PDE4B: variants seen among roughly 807,000 people sequenced by gnomAD.
PDE4B encodes 3',5'-cyclic-AMP phosphodiesterase 4B.
A neutral mutation model predicts 82.2 loss-of-function variants in PDE4B; 20 were observed. The ratio of observed to expected loss-of-function variants is 0.24; its 90% confidence interval spans 0.17 to 0.35. PDE4B has a LOEUF of 0.35. Among genes scored for constraint, PDE4B ranks in the 10% least tolerant of loss-of-function variants. The pLI is 1.00. For missense variants in PDE4B, 655 were observed against 907.2 expected (o/e 0.72, Z 3.57); for synonymous variants, 320 against 318.9 (o/e 1.00, Z -0.04).
At chr1:66,074,123 A>G (rs916016828) in intron 3 of PDE4B, among the ~76,000 whole-genome samples, 5 of 152,226 alleles carry the variant, frequency 3.3e-5, no homozygotes, top group Non-Finnish European at 5.9e-5. Context: ...GCTGTGTCAG[A>G]GAAGGTTGTG....
chr1:66,041,468 C>T (rs185641874), intron 3 of PDE4B, among the ~76,000 whole-genome samples: 133 of 152,020 alleles, frequency 8.7e-4, no homozygotes, highest in African/African-American at 3.0e-3. Flanking sequence ...TTCTCTTTCT[C>T]CAACTTAAGA....
intron 3 of PDE4B, among the ~76,000 whole-genome samples, chr1:65,976,584 C>T (rs1363974300): frequency 6.6e-6 from 1 of 151,992 alleles, no homozygotes; most frequent in Non-Finnish European, 1.5e-5. Flanking sequence ...GTTTGTGTCC[C>T]CAACCAAATC....
intron 7 of PDE4B, among the ~76,000 whole-genome samples, chr1:66,305,668 G>T (rs1328804819): frequency 6.6e-6 from 1 of 152,006 alleles, no homozygotes; most frequent in Non-Finnish European, 1.5e-5. Flanking sequence ...AATTTAATTT[G>T]GTGTTGCTAT....
At chr1:66,317,517 C>T (rs1370544603) in intron 7 of PDE4B, among the ~76,000 whole-genome samples, 1 of 151,888 alleles carries the variant, frequency 6.6e-6, no homozygotes, top group Non-Finnish European at 1.5e-5. Context: ...AAGCAGGGAT[C>T]TTGTTGGGAT....
intron 3 of PDE4B, among the ~76,000 whole-genome samples, chr1:66,047,997 TC>T (rs1486482453): frequency 1.3e-5 from 2 of 151,896 alleles, no homozygotes; most frequent in Non-Finnish European, 2.9e-5. Flanking sequence ...ACACGTTCTT[TC>T]TTTGGATGGC....
intron 3 of PDE4B, among the ~76,000 whole-genome samples, chr1:65,994,191 T>C (rs531018500): frequency 1.1e-4 from 17 of 152,176 alleles, no homozygotes; most frequent in African/African-American, 4.1e-4. Context: ...AAAATTAATA[T>C]TCACTTGAAT....
intron 3 of PDE4B, among the ~76,000 whole-genome samples, chr1:66,166,057 A>G (rs1646724917): frequency 6.6e-6 from 1 of 152,234 alleles, no homozygotes; most frequent in Admixed American, 6.5e-5. Flanking sequence ...TTAATAGAAT[A>G]GAATTGAGAG....
At chr1:66,260,270 G>A (rs1382669439) in intron 6 of PDE4B, among the ~76,000 whole-genome samples, 3 of 152,196 alleles carry the variant, frequency 2.0e-5, no homozygotes, top group Non-Finnish European at 4.4e-5. Context: ...GGGCAACAGA[G>A]TTTTCCTTGA....
At chr1:66,283,596 G>C (rs372021750) in intron 7 of PDE4B, among the ~76,000 whole-genome samples, 7 of 152,034 alleles carry the variant, frequency 4.6e-5, no homozygotes, top group South Asian at 2.1e-4. Context: ...TAGAGCTTGC[G>C]TAAGTATAAT....
In PDE4B at chr1:65,958,576, G is replaced by A. The variant is rs551111921; in HGVS notation, c.281+39741G>A. On this transcript the variant is annotated intron_variant, in intron 3 of 16. Coordinates refer to ENST00000341517, the MANE Select transcript of PDE4B (RefSeq NM_002600.4). ...TAGGATTCACCTATACAATATCTGGGTCTGATATTTTCTTCATGGGAAGAT... is the reference window on the plus strand; with the variant it reads ...TAGGATTCACCTATACAATATCTGGATCTGATATTTTCTTCATGGGAAGAT... 3.9e-5 allele frequency among the ~76,000 whole-genome samples: 6 copies of A among 151,966 alleles called. No individual in the cohort carries two copies. In the South Asian group the frequency reaches 1.2e-3, roughly 32 times the overall value.
At chr1:66,068,373 A>G (rs914101130) in intron 3 of PDE4B, among the ~76,000 whole-genome samples, 5 of 152,006 alleles carry the variant, frequency 3.3e-5, no homozygotes, top group African/African-American at 9.7e-5. Flanking sequence ...TAACCAATAG[A>G]TAGAAATATA....
At chr1:66,219,152 T>A (rs942087448) in intron 3 of PDE4B, among the ~76,000 whole-genome samples, 1 of 152,122 alleles carries the variant, frequency 6.6e-6, no homozygotes, top group Non-Finnish European at 1.5e-5. Flanking sequence ...TCAATAAAGA[T>A]AAGTAACTCA....
In PDE4B at chr1:65,984,389, A is replaced by G. The variant is rs573224376; in HGVS notation, c.281+65554A>G. ...TTTCTGAGGGTGACACAACTATTCTATATCCTGAACATATTGGTAATTGCA... is the reference window on the plus strand; with the variant it reads ...TTTCTGAGGGTGACACAACTATTCTGTATCCTGAACATATTGGTAATTGCA... On this transcript the variant is annotated intron_variant, in intron 3 of 16. Coordinates refer to ENST00000341517, the MANE Select transcript of PDE4B (RefSeq NM_002600.4). Among the ~76,000 whole-genome samples the G allele has an allele frequency of 9.2e-5, 14 of 152,300 alleles. No homozygotes were observed. The South Asian group carries it at 2.1e-3, about 23-fold the overall frequency.
In PDE4B at chr1:65,893,845, C is replaced by T. The variant is rs1007460830; in HGVS notation, c.-70-19400C>T. The stretch of plus-strand genomic sequence containing the variant: ...GGGAATGAAATAATGTGTTTTGCAG[C>T]AACTTGGATGGATCTGGAGGCCATT... On this transcript the variant is annotated intron_variant, in intron 1 of 16. Coordinates refer to ENST00000341517, the MANE Select transcript of PDE4B (RefSeq NM_002600.4). Among the ~76,000 whole-genome samples the T allele has an allele frequency of 2.0e-5, 3 of 152,008 alleles. No individual in the cohort carries two copies. In the East Asian group the frequency reaches 5.8e-4, roughly 29 times the overall value.
intron 3 of PDE4B, among the ~76,000 whole-genome samples, chr1:66,036,006 T>C (rs912032171): frequency 6.6e-5 from 10 of 152,314 alleles, no homozygotes; most frequent in African/African-American, 2.4e-4. Context: ...TAACAACATT[T>C]GTTATCTTTC....
In PDE4B at chr1:66,056,149, G is replaced by A. The variant is rs1468334733; in HGVS notation, c.281+137314G>A. On this transcript the variant is annotated intron_variant, in intron 3 of 16. Transcript: ENST00000341517. Reference sequence around the variant, plus strand: ...TGAACAGTGCTTTTCAGGCTAATGGGGCCTCTGGAGGCAATAAGAAATAGC... The same window carrying A: ...TGAACAGTGCTTTTCAGGCTAATGGAGCCTCTGGAGGCAATAAGAAATAGC... Among the ~76,000 whole-genome samples the A allele has an allele frequency of 9.2e-5, 14 of 151,932 alleles. 1 individual carries two copies. The highest frequency in any genetic ancestry group is 9.2e-4 in the Admixed American group (14 of 15,256).
chr1:66,160,172 C>T (rs562749592), intron 3 of PDE4B, among the ~76,000 whole-genome samples: 14 of 152,230 alleles, frequency 9.2e-5, no homozygotes, highest in Middle Eastern at 3.4e-3. Context: ...CAATGTCCCA[C>T]GGTGTAGAGG....
At chr1:65,957,781 A>G (rs1360595079) in intron 3 of PDE4B, among the ~76,000 whole-genome samples, 1 of 152,042 alleles carries the variant, frequency 6.6e-6, no homozygotes, top group African/African-American at 2.4e-5. Context: ...TTTTGCTACT[A>G]TTGTAACTAG....
At chr1:65,809,295 C>A (rs1570958253) in intron 1 of PDE4B, among the ~76,000 whole-genome samples, 1 of 122,088 alleles carries the variant, frequency 8.2e-6, no homozygotes, top group Non-Finnish European at 1.6e-5. Context: ...TGCACCACTG[C>A]AATCTAGCCT....
Sources: gnomAD v4.1 joint callset for allele counts (sites outside exome capture counted in the v4.1 genomes callset) on GRCh38, gnomAD v4.1.1 for gene constraint, MANE v1.5 for transcripts, NCBI Gene and HGNC (gene_info 2026-07-23, HGNC 2026-07-21) for gene names.